Variants in STPG2 observed in about 807,000 individuals in gnomAD.
STPG2 encodes sperm tail PG-rich repeat containing 2.
Under a neutral mutation model 54.2 loss-of-function variants are expected in STPG2, and 56 were observed. The observed-to-expected ratio is 1.03, with a 90% CI of 0.83 to 1.29. The LOEUF (loss-of-function observed/expected upper bound fraction) is 1.29, where lower values mean the gene tolerates loss of function less well. STPG2 is among the 50% of genes most tolerant of loss of function. The pLI is 0.00. For synonymous variants in STPG2, 200 were observed against 181.8 expected (o/e 1.10, Z -0.81); for missense variants, 596 against 544.9 (o/e 1.09, Z -0.93).
intron 9 of STPG2, among the ~76,000 whole-genome samples, chr4:97,750,207 C>CTT (rs1342990393): frequency 6.6e-6 from 1 of 151,722 alleles, no homozygotes; most frequent in African/African-American, 2.4e-5. Flanking sequence ...CTTAGAAAAT[C>CTT]TTTGCTTTAT....
chr4:97,981,292 G>C lies in STPG2; in HGVS notation c.639C>G (p.Thr213=). The part of the protein sequence containing the change: ...KKRFLPMKSI[T]PAPGTYNEPR... ...GTTCATTATATGTGCCAGGAGCCGG[G>C]GTGATTGATTTCATAGGTAAAAATC... Residue 213 remains threonine (T), a synonymous_variant, in exon 6 of 11, where the codon ACC becomes ACG. Coordinates refer to ENST00000295268, the MANE Select transcript of STPG2 (RefSeq NM_174952.3). 6.2e-7 allele frequency: 1 copy of C among 1,613,908 alleles called. No homozygotes were observed. Among genetic ancestry groups the C allele is most frequent in the Non-Finnish European group, 8.5e-7 (1 of 1,179,924 alleles).
intron 7 of STPG2, among the ~76,000 whole-genome samples, chr4:97,967,031 G>C (rs1467887150): frequency 1.3e-5 from 2 of 151,974 alleles, no homozygotes; most frequent in African/African-American, 4.8e-5. Context: ...AATGTAAATG[G>C]GCTGAATGCC....
intron 8 of STPG2, among the ~76,000 whole-genome samples, chr4:97,913,525 T>C (rs1428685481): frequency 6.6e-6 from 1 of 152,090 alleles, no homozygotes; most frequent in Non-Finnish European, 1.5e-5. Context: ...ATAGAACAGC[T>C]CCTCCTCCTT....
chr4:97,528,457 T>C (rs1302671205), intron 4 of STPG2, among the ~76,000 whole-genome samples: 2 of 152,180 alleles, frequency 1.3e-5, no homozygotes, highest in Non-Finnish European at 2.9e-5. Flanking sequence ...TTGTTCTTTT[T>C]GCTTAGGATT....
chr4:97,533,905 C>T (rs1411982919), intron 4 of STPG2, among the ~76,000 whole-genome samples: 4 of 151,936 alleles, frequency 2.6e-5, no homozygotes, highest in African/African-American at 9.7e-5. Context: ...TACATACTTT[C>T]CTGTCTTTTG....
At chr4:97,743,420 A>T (rs1184996389) in intron 9 of STPG2, among the ~76,000 whole-genome samples, 1 of 151,738 alleles carries the variant, frequency 6.6e-6, no homozygotes. Flanking sequence ...ATTGTTATTT[A>T]CACAACCAAA....
chr4:97,746,885 T>G (rs1275012645), intron 9 of STPG2, among the ~76,000 whole-genome samples: 2 of 151,226 alleles, frequency 1.3e-5, no homozygotes, highest in Admixed American at 6.6e-5. Context: ...TATACCATGT[T>G]CCAGGTATGT....
chr4:97,454,648 T>C (rs1729470371), intron 4 of STPG2, among the ~76,000 whole-genome samples: 1 of 149,784 alleles, frequency 6.7e-6, no homozygotes, highest in Non-Finnish European at 1.5e-5. Context: ...TATGTGCCCA[T>C]GCAAAGTTAA....
At chr4:97,463,329 G>C (rs1382434974) in intron 4 of STPG2, among the ~76,000 whole-genome samples, 1 of 152,034 alleles carries the variant, frequency 6.6e-6, no homozygotes, top group African/African-American at 2.4e-5. Flanking sequence ...CGCTTTATTA[G>C]CTTTTAATAA....
rs370931930 is a variant in STPG2, at chr4:98,047,437, G to C, written c.612+58516C>G. On this transcript the variant is annotated intron_variant, in intron 5 of 10. Transcript: ENST00000295268. ...ACCCACAGGCAGCAGCTTGGAAATTGTGCAGGCAAATCCCTTCCAGGGAGA... is the reference window on the plus strand; with the variant it reads ...ACCCACAGGCAGCAGCTTGGAAATTCTGCAGGCAAATCCCTTCCAGGGAGA... Among the ~76,000 whole-genome samples, 4 of 152,266 alleles carry C rather than the reference G, an allele frequency of 2.6e-5. No individual in the cohort carries two copies. In the East Asian group the frequency reaches 7.7e-4, roughly 29 times the overall value.
At chr4:97,910,251 G>A (rs1381545347) in intron 8 of STPG2, among the ~76,000 whole-genome samples, 3 of 152,166 alleles carry the variant, frequency 2.0e-5, no homozygotes, top group African/African-American at 7.2e-5. Flanking sequence ...CCTGTACTAA[G>A]TAAATAACAG....
At chr4:97,799,322 A>T (rs28767299) in intron 9 of STPG2, among the ~76,000 whole-genome samples, 3 of 138,940 alleles carry the variant, frequency 2.2e-5, no homozygotes, top group Non-Finnish European at 3.3e-5. Context: ...GGCTGGTACA[A>T]GTTGTTCCTT....
chr4:97,826,424 C>T (rs1728260575), intron 9 of STPG2, among the ~76,000 whole-genome samples: 1 of 152,086 alleles, frequency 6.6e-6, no homozygotes, highest in Non-Finnish European at 1.5e-5. Flanking sequence ...TGCGTGCAAA[C>T]ATATTGGCTA....
intron 10 of STPG2, among the ~76,000 whole-genome samples, chr4:97,589,925 C>T (rs1478279470): frequency 6.6e-6 from 1 of 152,088 alleles, no homozygotes; most frequent in East Asian, 1.9e-4. Context: ...CTAGGCTATA[C>T]CATCTAAGTT....
intron 4 of STPG2, among the ~76,000 whole-genome samples, chr4:97,532,921 C>A (rs1489511480): frequency 6.6e-6 from 1 of 152,092 alleles, no homozygotes; most frequent in African/African-American, 2.4e-5. Context: ...TTCGCTCTGT[C>A]ACCCAGGCTG....
At chr4:98,020,872 T>C (rs1560640035) in intron 5 of STPG2, among the ~76,000 whole-genome samples, 1 of 152,302 alleles carries the variant, frequency 6.6e-6, no homozygotes, top group South Asian at 2.1e-4. Flanking sequence ...ATATCCCCTT[T>C]ATCATTTTTT....
intron 8 of STPG2, among the ~76,000 whole-genome samples, chr4:97,854,827 T>C (rs548933574): frequency 6.6e-6 from 1 of 152,298 alleles, no homozygotes; most frequent in South Asian, 2.1e-4. Flanking sequence ...TTTGGTTTGC[T>C]GAACAGATCA....
chr4:97,481,806 C>A (rs1237263474), intron 4 of STPG2, among the ~76,000 whole-genome samples: 1 of 151,444 alleles, frequency 6.6e-6, no homozygotes, highest in Admixed American at 6.6e-5. Flanking sequence ...GACAGTTTTA[C>A]TACTTCTTTT....
intron 9 of STPG2, among the ~76,000 whole-genome samples, chr4:97,756,623 G>T (rs971367621): frequency 5.3e-5 from 8 of 152,108 alleles, no homozygotes; most frequent in Non-Finnish European, 1.2e-4. Context: ...ACCGTGCCCG[G>T]CCTCCCTGTA....
Sources: gnomAD v4.1 joint callset for allele counts (sites outside exome capture counted in the v4.1 genomes callset) on GRCh38, gnomAD v4.1.1 for gene constraint, MANE v1.5 for transcripts, NCBI Gene and HGNC (gene_info 2026-07-23, HGNC 2026-07-21) for gene names.